Variants in MAN2B1 observed in about 807,000 individuals in gnomAD.
MAN2B1 encodes lysosomal alpha-mannosidase.
A neutral mutation model predicts 127.5 loss-of-function variants in MAN2B1; 99 were observed. The ratio of observed to expected loss-of-function variants is 0.78; its 90% confidence interval spans 0.66 to 0.92. The LOEUF is 0.92. Ranked by LOEUF, MAN2B1 falls within the 40% of genes least tolerant of loss-of-function variation. MAN2B1 has a pLI of 0.00. For synonymous variants in MAN2B1, 573 were observed against 568.8 expected (o/e 1.01, Z -0.11); for missense variants, 1,304 against 1,384.8 (o/e 0.94, Z 0.93).
chr19:12,656,764 C>A, intron 12 of MAN2B1, 77 bp from the exon 13 acceptor site: 2 of 1,192,608 alleles, frequency 1.7e-6, no homozygotes, highest in Admixed American at 3.4e-5. Flanking sequence ...ACAGAAACAC[C>A]CCTGGCTGGT....
In MAN2B1 at chr19:12,663,690, C is replaced by T. The variant is rs1219698694; in HGVS notation, c.763+13G>A. On this transcript the variant is annotated intron_variant, in intron 5 of 23. Coordinates refer to ENST00000456935, the MANE Select transcript of MAN2B1 (RefSeq NM_000528.4). Reference sequence around the variant, plus strand: ...GGCACCATGGCTGGCCCTGCCCTCACCAAGCCCCCTACCAGTGAAGAGGTC... The same window carrying T: ...GGCACCATGGCTGGCCCTGCCCTCATCAAGCCCCCTACCAGTGAAGAGGTC... 4.4e-6 allele frequency: 7 copies of T among 1,603,954 alleles called. No homozygotes were observed. Among genetic ancestry groups the T allele is most frequent in the Non-Finnish European group, 6.0e-6 (7 of 1,175,614 alleles).
intron 4 of MAN2B1, among the ~76,000 whole-genome samples, chr19:12,664,115 A>G (rs1568307445): frequency 6.6e-6 from 1 of 152,184 alleles, no homozygotes. Flanking sequence ...AGTCTCATCT[A>G]CTAGGGGGGC....
chr19:12,655,718 G>C lies in MAN2B1; in HGVS notation c.1806C>G (p.Ser602=), dbSNP rs1355517685. Residue 602 remains serine, a synonymous_variant, in exon 14 of 24, where the codon TCC becomes TCG. Transcript: ENST00000456935. ...CCTCATTTTCGATGGTTAAAGCAGG[G>C]GACCAGGATCTTCTGGGGATGGGCT... The part of the protein sequence containing the change: ...APQPIPRRSW[S]PALTIENEHI... The C allele has an allele frequency of 5.0e-6, 8 of 1,609,580 alleles. No homozygotes were observed. The highest frequency in any genetic ancestry group is 6.8e-6 in the Non-Finnish European group (8 of 1,177,240).
intron 10 of MAN2B1, 53 bp downstream of exon 10, chr19:12,658,010 G>A (rs1238732239): frequency 7.0e-7 from 1 of 1,437,522 alleles, no homozygotes. Flanking sequence ...CGGCCTAGGG[G>A]TGGTTTCCAA....
intron 6 of MAN2B1, among the ~76,000 whole-genome samples, chr19:12,661,638 C>G (rs917959854): frequency 3.2e-4 from 49 of 152,144 alleles, no homozygotes; most frequent in African/African-American, 1.1e-3. Context: ...ATGAGGAATG[C>G]ACATAAATCC....
At chr19:12,658,578 CAT>C (rs796472022) in intron 7 of MAN2B1, 68 bp from the exon 8 acceptor site, 29 of 1,315,540 alleles carry the variant, frequency 2.2e-5, no homozygotes, top group Admixed American at 2.2e-4. Context: ...CACTTCCACA[CAT>C]GTGTGCACAT....
intron 12 of MAN2B1, 33 bp from the exon 13 acceptor site, chr19:12,656,720 C>A: frequency 6.8e-7 from 1 of 1,461,894 alleles, no homozygotes; most frequent in South Asian, 1.1e-5. Context: ...GGGCATGGGT[C>A]ACAGCAGGCC....
chr19:12,666,456 C>A, intron 1 of MAN2B1, 87 bp downstream of exon 1: 4 of 1,463,076 alleles, frequency 2.7e-6, no homozygotes, highest in South Asian at 2.4e-5. Flanking sequence ...CACTAGACAC[C>A]CACAGGACAG....
chr19:12,648,008 C>T (rs1300610537), intron 21 of MAN2B1, among the ~76,000 whole-genome samples, 167 bp downstream of exon 21: 1 of 152,050 alleles, frequency 6.6e-6, no homozygotes, highest in Non-Finnish European at 1.5e-5. Context: ...GGGGTTGGGA[C>T]TGGGCTGGCA....
At chr19:12,665,041 G>T (rs1200537267) in intron 3 of MAN2B1, 56 bp from the exon 4 acceptor site, 1 of 1,501,598 alleles carries the variant, frequency 6.7e-7, no homozygotes, top group African/African-American at 1.4e-5. Flanking sequence ...GTGGGAGTAG[G>T]GTGGGTGATA....
intron 16 of MAN2B1, among the ~76,000 whole-genome samples, chr19:12,650,550 G>A (rs1321484368): frequency 1.3e-5 from 2 of 151,788 alleles, no homozygotes; most frequent in African/African-American, 4.8e-5. Flanking sequence ...AGTAGAGATG[G>A]GGTTTCACCG....
rs747744816 is a variant in MAN2B1 at position 12,648,391 on chromosome 19, C to G, written c.2448G>C (p.Arg816Ser). 1.9e-6 allele frequency: 3 copies of G among 1,612,018 alleles called. No individual in the cohort carries two copies. The highest frequency in any genetic ancestry group is 2.7e-5 in the African/African-American group (2 of 74,864). Residue 816 changes from arginine (R) to serine (S), a missense_variant, in exon 21 of 24, where the codon AGG (arginine) becomes AGC (serine). Arg to Ser is a moderately radical substitution (Grantham distance 110). Coordinates refer to ENST00000456935, the MANE Select transcript of MAN2B1 (RefSeq NM_000528.4). ...DGSLELMVHR[R>S]LLKDDGRGVS... Reference sequence around the variant, plus strand: ...CTCCGCGTCCATCGTCCTTCAGCAGCCTTCGGTGCACCTGGGGGGAGAGTG... The same window carrying G: ...CTCCGCGTCCATCGTCCTTCAGCAGGCTTCGGTGCACCTGGGGGGAGAGTG...
At position 12,657,484 on chromosome 19, in the gene MAN2B1, A is replaced by T; in HGVS notation, c.1381T>A (p.Tyr461Asn). 1 of 1,568,164 alleles carries T rather than the reference A, an allele frequency of 6.4e-7. No individual in the cohort carries two copies. The highest frequency in any genetic ancestry group is 1.3e-5 in the African/African-American group (1 of 74,100). Residue 461 changes from tyrosine to asparagine, a missense_variant, in exon 11 of 24, where the codon TAC (tyrosine) becomes AAC (asparagine). Transcript: ENST00000456935. Reference protein sequence around the residue: ...GTSRQHVANDYARQLAAGWGP... With the variant: ...GTSRQHVANDNARQLAAGWGP... ...CAGCCTGCCGCAAGCTGGCGCGCGT[A>T]GTCGTTGGCCACGTGCTGGCGGGAG...
At position 12,652,172 on chromosome 19, in the gene MAN2B1, G is replaced by T. The variant is rs1218295154; in HGVS notation, c.2027C>A (p.Ala676Asp). Residue 676 changes from alanine to aspartate, a missense_variant, in exon 16 of 24, where the codon GCT becomes GAT. Transcript: ENST00000456935. ...QQKPLPVSRW[A>D]QIHLVKTPLV... Reference sequence around the variant, plus strand: ...CCTGACCTTCACCAGGTGGATCTGAGCCCAGCGGCTCACAGGCAGCGGTTT... The same window carrying T: ...CCTGACCTTCACCAGGTGGATCTGATCCCAGCGGCTCACAGGCAGCGGTTT... 1 of 1,614,056 alleles carries T rather than the reference G, an allele frequency of 6.2e-7. No homozygotes were observed. The highest frequency in any genetic ancestry group is 2.2e-5 in the East Asian group (1 of 44,878).
At chr19:12,657,599 C>A (rs1296849505) in intron 10 of MAN2B1, 44 bp from the exon 11 acceptor site, 8 of 1,494,266 alleles carry the variant, frequency 5.4e-6, no homozygotes, top group Non-Finnish European at 7.3e-6. Flanking sequence ...TGGGACTCAG[C>A]TGAGACCCCA....
At chr19:12,659,981 G>C (rs2024065087) in intron 7 of MAN2B1, among the ~76,000 whole-genome samples, 1 of 152,142 alleles carries the variant, frequency 6.6e-6, no homozygotes, top group African/African-American at 2.4e-5. Context: ...GGGTGTCTGA[G>C]ATGGGAGAGG....
rs1022927322 is a variant in MAN2B1, at chr19:12,649,912, C to T, written c.2267+1G>A. On this transcript the variant is annotated splice_donor_variant, in intron 18 of 23. Coordinates refer to ENST00000456935, the MANE Select transcript of MAN2B1 (RefSeq NM_000528.4). LOFTEE classifies it high-confidence loss of function. Reference sequence around the variant, plus strand: ...CCTCAGTGCTCTCAGTCACCCCCCACCTCCTCTCCAGGATCTCCCGGCCAT... The same window carrying T: ...CCTCAGTGCTCTCAGTCACCCCCCATCTCCTCTCCAGGATCTCCCGGCCAT... 5 of 1,612,604 alleles carry T rather than the reference C, an allele frequency of 3.1e-6. No homozygotes were observed. Among genetic ancestry groups the T allele is most frequent in the Non-Finnish European group, 3.4e-6 (4 of 1,179,442 alleles).
intron 7 of MAN2B1, among the ~76,000 whole-genome samples, chr19:12,660,521 T>C (rs1017684681): frequency 7.2e-5 from 11 of 151,744 alleles, no homozygotes; most frequent in Admixed American, 1.3e-4. Context: ...AAATAAAATG[T>C]GGAAGAGAGA....
Position 12,647,656 on chromosome 19 carries a change from C to A in MAN2B1, c.2665-58G>T. The A allele has an allele frequency of 7.2e-7, 1 of 1,389,670 alleles. No individual in the cohort carries two copies. 86.1% of individuals were successfully genotyped at this position (1,389,670 alleles called of 1,614,324 possible). A position where few individuals can be genotyped will look rare whatever the true frequency, so the allele number is the denominator to read the frequency against. On this transcript the variant is annotated intron_variant, in intron 21 of 23. Coordinates refer to ENST00000456935, the MANE Select transcript of MAN2B1 (RefSeq NM_000528.4). This position sits in a 1 kb window ranked among gnomAD's most constrained non-coding sequence, Gnocchi z 4.9. ...GGGGCGGGGCCTGGATGGAGAAGGGCGGGGCCGAGCCAGGTCAGGAGGCAG... is the reference window on the plus strand; with the variant it reads ...GGGGCGGGGCCTGGATGGAGAAGGGAGGGGCCGAGCCAGGTCAGGAGGCAG...
Sources: gnomAD v4.1 joint callset for allele counts (sites outside exome capture counted in the v4.1 genomes callset) on GRCh38, gnomAD v4.1.1 for gene constraint, Gnocchi (gnomAD v3.1) non-coding constraint, MANE v1.5 for transcripts, NCBI Gene and HGNC (gene_info 2026-07-23, HGNC 2026-07-21) for gene names.